The following MLIP variants were observed in gnomAD, a reference collection of about 807,000 sequenced individuals.
MLIP encodes the protein muscular LMNA interacting protein.
Under a neutral mutation model 84.8 loss-of-function variants are expected in MLIP, and 79 were observed. That is an observed-to-expected ratio of 0.93 (90% confidence interval 0.78 to 1.12). MLIP has a LOEUF of 1.12. MLIP is among the 50% of genes most tolerant of loss of function. MLIP has a pLI of 0.00. For missense variants in MLIP, 1,257 were observed against 1,160.6 expected (o/e 1.08, Z -1.21); for synonymous variants, 504 against 463.0 (o/e 1.09, Z -1.14).
chr6:54,066,396 T>C (rs1766229310), intron 1 of MLIP, among the ~76,000 whole-genome samples: 1 of 100,584 alleles, frequency 9.9e-6, no homozygotes, highest in African/African-American at 2.6e-5. Context: ...AAACAAAAAA[T>C]TTGACTAAAG....
chr6:54,087,634 C>G (rs1263771148), intron 1 of MLIP, among the ~76,000 whole-genome samples: 1 of 152,056 alleles, frequency 6.6e-6, no homozygotes, highest in African/African-American at 2.4e-5. Flanking sequence ...ACTGCCCTCA[C>G]ATGTGTGAGG....
At chr6:54,265,798 C>T (rs1394130522) in intron 13 of MLIP, 152 bp from the exon 14 acceptor site, 1 of 654,096 alleles carries the variant, frequency 1.5e-6, no homozygotes, top group Non-Finnish European at 2.7e-6. Flanking sequence ...AAGGAAGGAT[C>T]TACTTAAGGA....
intron 3 of MLIP, among the ~76,000 whole-genome samples, chr6:54,134,743 C>T (rs1443989432): frequency 6.6e-6 from 1 of 151,890 alleles, no homozygotes; most frequent in Admixed American, 6.6e-5. Flanking sequence ...GGTGAATAAT[C>T]AATCAGGGTA....
intron 10 of MLIP, among the ~76,000 whole-genome samples, chr6:54,195,523 A>G (rs1053115426): frequency 6.6e-6 from 1 of 152,086 alleles, no homozygotes; most frequent in African/African-American, 2.4e-5. Flanking sequence ...TTAATCTCCA[A>G]CTTTGGTCTC....
chr6:54,038,505 C>A (rs1310969860), intron 1 of MLIP, among the ~76,000 whole-genome samples: 1 of 151,616 alleles, frequency 6.6e-6, no homozygotes, highest in African/African-American at 2.4e-5. Context: ...AATTTCTTTA[C>A]TAGAATAATT....
chr6:54,169,516 A>C lies in MLIP; in HGVS notation c.2500-12A>C. 1 of 1,565,526 alleles carries C rather than the reference A, an allele frequency of 6.4e-7. No individual in the cohort carries two copies. Among genetic ancestry groups the C allele is most frequent in the Non-Finnish European group, 8.6e-7 (1 of 1,157,722 alleles). ...TTATTTCAGATGTATAATTGTTTTT[A>C]TTTTCATACAGACTCCTACAACTCT... On this transcript the variant is annotated splice_polypyrimidine_tract_variant and intron_variant, in intron 8 of 13. Transcript: ENST00000502396.
intron 1 of MLIP, among the ~76,000 whole-genome samples, chr6:54,084,696 A>G (rs1327878361): frequency 2.0e-5 from 3 of 152,212 alleles, no homozygotes; most frequent in Non-Finnish European, 4.4e-5. Context: ...GAAGATTAGT[A>G]TATTTTCATT....
chr6:54,095,580 A>G (rs768161423), intron 1 of MLIP, among the ~76,000 whole-genome samples: 1 of 151,984 alleles, frequency 6.6e-6, no homozygotes, highest in Non-Finnish European at 1.5e-5. Context: ...GGATGGATAG[A>G]GTGATTGGGG....
intron 3 of MLIP, among the ~76,000 whole-genome samples, chr6:54,135,686 T>C (rs75524148): frequency 0.013 from 2,045 of 152,230 alleles, 45 homozygotes; most frequent in African/African-American, 0.047. Flanking sequence ...AAATTCTTTA[T>C]TAGACATGCA....
chr6:54,044,041 C>T (rs560025987), intron 1 of MLIP, among the ~76,000 whole-genome samples: 9 of 152,118 alleles, frequency 5.9e-5, no homozygotes, highest in Non-Finnish European at 1.0e-4. Context: ...GACTTTAGTG[C>T]TTCTTTATTC....
At chr6:54,226,597 C>A (rs1780586039) in intron 11 of MLIP, among the ~76,000 whole-genome samples, 1 of 97,650 alleles carries the variant, frequency 1.0e-5, no homozygotes, top group African/African-American at 2.9e-5. Flanking sequence ...GAAATATGAG[C>A]AGAAAACCAA....
chr6:54,062,568 G>A (rs914774296), intron 1 of MLIP, among the ~76,000 whole-genome samples: 2 of 152,086 alleles, frequency 1.3e-5, no homozygotes, highest in African/African-American at 4.8e-5. Flanking sequence ...CATAAAGTGG[G>A]GCCCTGTCAT....
In MLIP at chr6:54,065,662, T is replaced by G. The variant is rs1457946896; in HGVS notation, c.63+46571T>G. Among the ~76,000 whole-genome samples the G allele has an allele frequency of 8.0e-5, 8 of 99,652 alleles. 4 individuals carry two copies. Among genetic ancestry groups the G allele is most frequent in the Non-Finnish European group, 2.3e-4 (8 of 34,748 alleles). 65.4% of individuals were successfully genotyped at this position (99,652 alleles called of 152,430 possible). A position where few individuals can be genotyped will look rare whatever the true frequency, so the allele number is the denominator to read the frequency against. ...AATCTTAGACAGCATCTGAAGCGGT[T>G]GGGTGGATTTTGGTTCCCTCCACTC... On this transcript the variant is annotated intron_variant, in intron 1 of 12. Coordinates refer to the MLIP transcript ENST00000274897.
intron 5 of MLIP, among the ~76,000 whole-genome samples, chr6:54,153,711 G>T (rs1478815674): frequency 1.3e-5 from 2 of 151,902 alleles, no homozygotes; most frequent in East Asian, 1.9e-4. Flanking sequence ...ATTTAACTGG[G>T]TATGGTGGCA....
At chr6:54,204,741 A>T (rs1004418731) in intron 11 of MLIP, among the ~76,000 whole-genome samples, 5 of 152,224 alleles carry the variant, frequency 3.3e-5, no homozygotes, top group African/African-American at 9.6e-5. Context: ...CTGACTATAA[A>T]GTAAGTTTAA....
chr6:54,233,558 T>A (rs1478740247), intron 12 of MLIP, among the ~76,000 whole-genome samples: 1 of 152,228 alleles, frequency 6.6e-6, no homozygotes, highest in Non-Finnish European at 1.5e-5. Flanking sequence ...TGTGCCACAT[T>A]TTCTTTATCC....
At chr6:54,055,232 C>CT (rs1765596671) in intron 1 of MLIP, among the ~76,000 whole-genome samples, 1 of 152,056 alleles carries the variant, frequency 6.6e-6, no homozygotes, top group Admixed American at 6.6e-5. Flanking sequence ...ACACTTTTTC[C>CT]TTCTATGTGT....
chr6:54,229,088 G>T (rs1780800311), intron 11 of MLIP, among the ~76,000 whole-genome samples: 1 of 152,132 alleles, frequency 6.6e-6, no homozygotes, highest in Non-Finnish European at 1.5e-5. Flanking sequence ...ACAAATGGAA[G>T]AAATGAAAAG....
At chr6:54,194,888 A>G (rs1008832389) in intron 10 of MLIP, among the ~76,000 whole-genome samples, 3 of 151,814 alleles carry the variant, frequency 2.0e-5, no homozygotes, top group Non-Finnish European at 4.4e-5. Context: ...ACCCTATGCC[A>G]TAGTGTTTTG....
Sources: gnomAD v4.1 joint callset for allele counts (sites outside exome capture counted in the v4.1 genomes callset) on GRCh38, gnomAD v4.1.1 for gene constraint, MANE v1.5 for transcripts, NCBI Gene and HGNC (gene_info 2026-07-23, HGNC 2026-07-21) for gene names.